AGXT: variants seen among roughly 807,000 people sequenced by gnomAD.
AGXT encodes the protein alanine--glyoxylate aminotransferase.
In AGXT, 41 loss-of-function variants were observed where a neutral mutation model predicts 46.9. That is an observed-to-expected ratio of 0.88 (90% CI 0.68 to 1.14). AGXT has a LOEUF of 1.14. Ranked by LOEUF, AGXT falls within the 50% of genes most tolerant of loss-of-function variation. The pLI, the probability that AGXT is intolerant of heterozygous loss-of-function variation, is 0.00. For missense variants in AGXT, 525 were observed against 522.7 expected (o/e 1.00, Z -0.04); for synonymous variants, 244 against 227.9 (o/e 1.07, Z -0.64).
At chr2:240,870,836 G>A in intron 3 of AGXT, 128 bp downstream of exon 3, 1 of 880,936 alleles carries the variant, frequency 1.1e-6, no homozygotes. Flanking sequence ...CTGACCCTCA[G>A]CCCATCCTAG....
In AGXT at chr2:240,868,842, C is replaced by A. The variant is rs192950967; in HGVS notation, c.-24C>A. ...CAAGGCCAGTGCAGCCCCAGGTTCC[C>A]GAGCGGCAGGTTGGGTGCGGACCAT... On this transcript the variant is annotated 5_prime_UTR_variant, in exon 1 of 11. Transcript: ENST00000307503. 4 of 1,603,376 alleles carry A rather than the reference C, an allele frequency of 2.5e-6. No homozygotes were observed. In the South Asian group the frequency reaches 3.4e-5, roughly 13 times the overall value.
chr2:240,878,406 G>A (rs2059039904), intron 10 of AGXT, among the ~76,000 whole-genome samples: 2 of 152,194 alleles, frequency 1.3e-5, no homozygotes, highest in South Asian at 2.1e-4. Flanking sequence ...CCTCTGACCA[G>A]ACCCTGGAAC....
intron 5 of AGXT, among the ~76,000 whole-genome samples, 173 bp from the exon 6 acceptor site, chr2:240,873,805 C>T (rs765472513): frequency 9.9e-5 from 15 of 152,206 alleles, no homozygotes; most frequent in East Asian, 1.9e-4. Context: ...ATGGCTGCCA[C>T]GCAGCAGTGC....
intron 9 of AGXT, 28 bp downstream of exon 9, chr2:240,877,660 C>T: frequency 6.5e-7 from 1 of 1,547,550 alleles, no homozygotes; most frequent in Non-Finnish European, 8.7e-7. Flanking sequence ...ATTGGGCAGC[C>T]CTGCACCCAT....
chr2:240,872,353 ATGCAGGC>A (rs2058996064), intron 4 of AGXT, among the ~76,000 whole-genome samples: 19 of 140,074 alleles, frequency 1.4e-4, no homozygotes, highest in East Asian at 2.1e-4. Flanking sequence ...GTTCGTGAAC[ATGCAGGC>A]GGAGGAGGGT....
In AGXT at chr2:240,868,843, G is replaced by C. The variant is rs116057889; in HGVS notation, c.-23G>C. On this transcript the variant is annotated 5_prime_UTR_variant, in exon 1 of 11. Transcript: ENST00000307503. The stretch of plus-strand genomic sequence containing the variant: ...AAGGCCAGTGCAGCCCCAGGTTCCC[G>C]AGCGGCAGGTTGGGTGCGGACCATG... 7.5e-6 allele frequency: 12 copies of C among 1,602,840 alleles called. No homozygotes were observed. In the African/African-American group the frequency reaches 1.2e-4, roughly 16 times the overall value.
rs2106428671 is a variant in AGXT at position 240,871,459 on chromosome 2, G to A, written c.524+10G>A. 6.4e-7 allele frequency: 1 copy of A among 1,568,434 alleles called. No homozygotes were observed. Among genetic ancestry groups the A allele is most frequent in the East Asian group, 2.4e-5 (1 of 42,466 alleles). ...GGGAACTCTGCCACAGGTGAGCCTG[G>A]CCCCAGGGCGGTGGACTGGAGCACA... On this transcript the variant is annotated intron_variant, in intron 4 of 10. Coordinates refer to ENST00000307503, the MANE Select transcript of AGXT (RefSeq NM_000030.3).
At chr2:240,870,761 C>G in intron 3 of AGXT, 53 bp downstream of exon 3, 3 of 1,519,672 alleles carry the variant, frequency 2.0e-6, no homozygotes, top group Non-Finnish European at 2.7e-6. Flanking sequence ...AGTGGGCATG[C>G]TGGCTCAGGG....
At chr2:240,869,087 T>A (rs1282175665) in intron 1 of AGXT, 57 bp downstream of exon 1, 40 of 1,611,314 alleles carry the variant, frequency 2.5e-5, no homozygotes, top group Non-Finnish European at 3.3e-5. Flanking sequence ...CACCCACAGA[T>A]CGTGGACGAG....
At position 240,872,991 on chromosome 2, in the gene AGXT, G is replaced by A. The variant is rs565927450; in HGVS notation, c.537G>A (p.Leu179=). The change falls in exon 5 of 11, where the codon CTG becomes CTA. Residue 179 remains leucine (L), a synonymous_variant. Transcript: ENST00000307503. The stretch of plus-strand genomic sequence containing the variant: ...CCCACCTCTCCAGGTACAAGTGCCT[G>A]CTCCTGGTGGATTCGGTGGCATCCC... ...FGELCHRYKC[L]LLVDSVASLG... The A allele has an allele frequency of 6.2e-7, 1 of 1,613,960 alleles. No individual in the cohort carries two copies. Among genetic ancestry groups the A allele is most frequent in the Non-Finnish European group, 8.5e-7 (1 of 1,179,930 alleles).
chr2:240,869,427 C>T, intron 2 of AGXT, 65 bp downstream of exon 2: 1 of 1,439,746 alleles, frequency 6.9e-7, no homozygotes. Flanking sequence ...TGGCCTCCCT[C>T]TGTTTGAAGC....
At chr2:240,871,302 G>A (rs758695568) in intron 3 of AGXT, 47 bp from the exon 4 acceptor site, 1 of 1,510,040 alleles carries the variant, frequency 6.6e-7, no homozygotes. Context: ...GGGTGTTCTG[G>A]CCCCTGCCCC....
At chr2:240,876,910 G>T (rs1048236669) in intron 8 of AGXT, 15 of 205,680 alleles carry the variant, frequency 7.3e-5, no homozygotes, top group African/African-American at 3.5e-4. Context: ...GAGGCACAGG[G>T]ACCTGGCAGA....
chr2:240,876,177 G>T (rs1447034395), intron 8 of AGXT, among the ~76,000 whole-genome samples, 173 bp downstream of exon 8: 1 of 152,186 alleles, frequency 6.6e-6, no homozygotes, highest in Non-Finnish European at 1.5e-5. Flanking sequence ...CTGGCTGCGG[G>T]CAGGGCCAGG....
At chr2:240,874,193 G>A (rs546142888) in intron 6 of AGXT, 131 bp downstream of exon 6, 70 of 914,184 alleles carry the variant, frequency 7.7e-5, no homozygotes, top group South Asian at 7.3e-4. Context: ...GCGCTCTCCC[G>A]CCCACCCTCT....
In AGXT at chr2:240,875,102, TC is replaced by T. The variant is rs2059015993; in HGVS notation, c.681-3del. On this transcript the variant is annotated splice_polypyrimidine_tract_variant and splice_region_variant and intron_variant, in intron 6 of 10. Coordinates refer to ENST00000307503, the MANE Select transcript of AGXT (RefSeq NM_000030.3). Reference sequence around the variant, plus strand: ...GGCTGGTGCTCAGCCTGCTTCTTTCTCCCCAGAAAGAAGATGTACTCCCGCA... The same window carrying T: ...GGCTGGTGCTCAGCCTGCTTCTTTCTCCCAGAAAGAAGATGTACTCCCGCA... 6.2e-7 allele frequency: 1 copy of T among 1,604,632 alleles called. No individual in the cohort carries two copies. The highest frequency in any genetic ancestry group is 2.2e-5 in the East Asian group (1 of 44,814).
At chr2:240,873,190 T>G in intron 5 of AGXT, 141 bp downstream of exon 5, 1 of 709,788 alleles carries the variant, frequency 1.4e-6, no homozygotes, top group South Asian at 1.7e-5. Flanking sequence ...AAACACTCAC[T>G]CCTTACTGCG....
At chr2:240,874,090 G>C in intron 6 of AGXT, 28 bp downstream of exon 6, 1 of 1,608,856 alleles carries the variant, frequency 6.2e-7, no homozygotes, top group Non-Finnish European at 8.5e-7. Context: ...CCTCACCTCT[G>C]TGCAGGGCTG....
At chr2:240,872,521 G>A (rs985190576) in intron 4 of AGXT, among the ~76,000 whole-genome samples, 1 of 152,122 alleles carries the variant, frequency 6.6e-6, no homozygotes, top group Admixed American at 6.5e-5. Flanking sequence ...TGCTGCTTGG[G>A]CTGTTCTGGG....
Sources: gnomAD v4.1 joint callset for allele counts (sites outside exome capture counted in the v4.1 genomes callset) on GRCh38, gnomAD v4.1.1 for gene constraint, MANE v1.5 for transcripts, NCBI Gene and HGNC (gene_info 2026-07-23, HGNC 2026-07-21) for gene names.